The following MAN1C1 variants were observed in gnomAD, a reference collection of about 807,000 sequenced individuals.
The protein encoded by MAN1C1 is mannosyl-oligosaccharide 1,2-alpha-mannosidase IC.
MAN1C1 carries 49 observed loss-of-function variants against 71.5 expected under a neutral mutation model. That is an observed-to-expected ratio of 0.69 (90% CI 0.54 to 0.87). MAN1C1 has a LOEUF of 0.87. Ranked by LOEUF, MAN1C1 falls within the 40% of genes least tolerant of loss-of-function variation. The probability of loss-of-function intolerance (pLI) is 0.00; values close to 1 mark genes in which losing one functional copy is unlikely to be tolerated. For missense variants in MAN1C1, 743 were observed against 835.0 expected (o/e 0.89, Z 1.36); for synonymous variants, 352 against 343.7 (o/e 1.02, Z -0.27).
At chr1:25,624,208 G>A (rs560401166) in intron 1 of MAN1C1, among the ~76,000 whole-genome samples, 13 of 152,312 alleles carry the variant, frequency 8.5e-5, no homozygotes, top group African/African-American at 1.9e-4. Context: ...AGGCCCCTCC[G>A]TCTTCCTCCT....
chr1:25,739,418 A>G (rs2047026477), intron 2 of MAN1C1, among the ~76,000 whole-genome samples: 1 of 152,240 alleles, frequency 6.6e-6, no homozygotes, highest in African/African-American at 2.4e-5. Context: ...AATTAAATGC[A>G]GCCATTAGTA....
intron 2 of MAN1C1, among the ~76,000 whole-genome samples, chr1:25,701,653 A>C (rs2046445335): frequency 6.6e-6 from 1 of 152,208 alleles, no homozygotes; most frequent in Admixed American, 6.5e-5. Context: ...TGGAGATGAT[A>C]AACAGCAAAA....
intron 1 of MAN1C1, among the ~76,000 whole-genome samples, chr1:25,628,298 A>T (rs1378128107): frequency 6.6e-6 from 1 of 151,800 alleles, no homozygotes; most frequent in African/African-American, 2.4e-5. Flanking sequence ...TATTTTTAAA[A>T]TTTCATTTAT....
At chr1:25,734,367 G>T (rs868477680) in intron 2 of MAN1C1, among the ~76,000 whole-genome samples, 1 of 152,166 alleles carries the variant, frequency 6.6e-6, no homozygotes, top group African/African-American at 2.4e-5. Context: ...GGCCTCAAAT[G>T]ATCCACCCAC....
At chr1:25,731,382 C>T (rs2046908453) in intron 2 of MAN1C1, among the ~76,000 whole-genome samples, 1 of 151,970 alleles carries the variant, frequency 6.6e-6, no homozygotes, top group African/African-American at 2.4e-5. Context: ...AAATGAGAGG[C>T]AACTCATAGG....
intron 2 of MAN1C1, among the ~76,000 whole-genome samples, chr1:25,743,416 C>T (rs1271137483): frequency 2.0e-5 from 3 of 152,164 alleles, no homozygotes; most frequent in African/African-American, 7.2e-5. Context: ...GGGGAGCTGC[C>T]CCAGGGTGGC....
chr1:25,726,452 A>G (rs1431423502), intron 2 of MAN1C1, among the ~76,000 whole-genome samples: 1 of 152,120 alleles, frequency 6.6e-6, no homozygotes. Context: ...ATCCCATCCA[A>G]TGTCATCCAT....
At chr1:25,692,731 G>A (rs972418622) in intron 2 of MAN1C1, among the ~76,000 whole-genome samples, 1 of 152,212 alleles carries the variant, frequency 6.6e-6, no homozygotes, top group African/African-American at 2.4e-5. Context: ...ACACAGTGGG[G>A]TAGGGGAATG....
At chr1:25,684,641 T>C (rs2046202760) in intron 1 of MAN1C1, among the ~76,000 whole-genome samples, 2 of 152,244 alleles carry the variant, frequency 1.3e-5, no homozygotes. Context: ...GCGTTTGGGC[T>C]GCAGCAGTGA....
intron 1 of MAN1C1, among the ~76,000 whole-genome samples, chr1:25,664,580 A>G (rs542420095): frequency 2.0e-5 from 3 of 152,322 alleles, no homozygotes; most frequent in South Asian, 4.1e-4. Flanking sequence ...TCGGCAGCCA[A>G]TGGTGGACAG....
chr1:25,625,252 G>A (rs180871072), intron 1 of MAN1C1, among the ~76,000 whole-genome samples: 6 of 152,114 alleles, frequency 3.9e-5, no homozygotes, highest in African/African-American at 1.2e-4. Flanking sequence ...TGATCCATCC[G>A]CCTCAGCCTC....
intron 2 of MAN1C1, among the ~76,000 whole-genome samples, chr1:25,740,047 G>A (rs894666143): frequency 2.0e-5 from 3 of 152,128 alleles, no homozygotes; most frequent in Admixed American, 6.5e-5. Context: ...GGAAGGTGGC[G>A]GTGAACCGAG....
At chr1:25,705,098 C>T (rs1381235057) in intron 2 of MAN1C1, among the ~76,000 whole-genome samples, 2 of 152,202 alleles carry the variant, frequency 1.3e-5, no homozygotes, top group South Asian at 4.1e-4. Flanking sequence ...ATTACTCGAT[C>T]CGTTTTTTTC....
At chr1:25,750,484 G>A (rs2047199716) in intron 4 of MAN1C1, among the ~76,000 whole-genome samples, 2 of 152,084 alleles carry the variant, frequency 1.3e-5, no homozygotes, top group African/African-American at 4.8e-5. Context: ...CCATGGAGGT[G>A]AGGCGGGCAA....
rs373189060 is a variant in MAN1C1, at chr1:25,728,650, G to A, written c.638-18018G>A. Among the ~76,000 whole-genome samples, 44 of 152,174 alleles carry A rather than the reference G, an allele frequency of 2.9e-4. 1 individual carries two copies. The highest frequency in any genetic ancestry group is 9.9e-4 in the African/African-American group (41 of 41,520). On this transcript the variant is annotated intron_variant, in intron 2 of 11. Coordinates refer to ENST00000374332, the MANE Select transcript of MAN1C1 (RefSeq NM_020379.4). ...AGGTTGTAACACCCAAGATTGCCTC[G>A]GCCTTGGAATATCCATGAATGGTTT...
chr1:25,753,512 G>C lies in MAN1C1; in HGVS notation c.863G>C (p.Gly288Ala). Reference sequence around the variant, plus strand: ...TTCCGAATAAAGGCCATCAGGCTGGGAGAGAAGCTCCTGCCGGCGTTCAAC... The same window carrying C: ...TTCCGAATAAAGGCCATCAGGCTGGCAGAGAAGCTCCTGCCGGCGTTCAAC... ...EVFRIKAIRL[G>A]EKLLPAFNTP... The change falls in exon 5 of 12, where the codon GGA becomes GCA. Residue 288 changes from glycine to alanine, a missense_variant. Physicochemically the swap from Gly to Ala is moderately conservative, Grantham distance 60 (BLOSUM62 0). Transcript: ENST00000374332. The surrounding 1 kb of genome is among the most constrained non-coding windows in gnomAD (Gnocchi z 4.9). 1 of 1,613,964 alleles carries C rather than the reference G, an allele frequency of 6.2e-7. No individual in the cohort carries two copies. Among genetic ancestry groups the C allele is most frequent in the Non-Finnish European group, 8.5e-7 (1 of 1,179,932 alleles).
chr1:25,728,554 T>C (rs2046865669), intron 2 of MAN1C1, among the ~76,000 whole-genome samples: 1 of 152,128 alleles, frequency 6.6e-6, no homozygotes, highest in South Asian at 2.1e-4. Flanking sequence ...TAAAGTCATA[T>C]TGATGGTGGG....
chr1:25,643,230 TTTAA>T (rs71577785), intron 1 of MAN1C1, among the ~76,000 whole-genome samples: 40 of 124,990 alleles, frequency 3.2e-4, no homozygotes, highest in African/African-American at 6.9e-4. Flanking sequence ...CTACCTCCCT[TTTAA>T]TTAATTAATT....
At chr1:25,705,311 T>C (rs1396361224) in intron 2 of MAN1C1, among the ~76,000 whole-genome samples, 1 of 152,246 alleles carries the variant, frequency 6.6e-6, no homozygotes, top group East Asian at 1.9e-4. Context: ...ATACACAGAA[T>C]CATTTGATAA....
Sources: allele counts gnomAD v4.1 joint callset (sites outside exome capture counted in the v4.1 genomes callset), GRCh38; gene constraint gnomAD v4.1.1; non-coding constraint Gnocchi (gnomAD v3.1); transcripts MANE v1.5; gene names NCBI Gene and HGNC (gene_info 2026-07-23, HGNC 2026-07-21).